COP1: variants seen among roughly 807,000 people sequenced by gnomAD.
COP1 encodes COP1 E3 ubiquitin ligase.
COP1 carries 24 observed loss-of-function variants against 101.3 expected under a neutral mutation model. The observed-to-expected ratio is 0.24, with a 90% CI of 0.17 to 0.33. The LOEUF (loss-of-function observed/expected upper bound fraction) is 0.33. Ranked by LOEUF, COP1 falls within the 10% of genes least tolerant of loss-of-function variation. The pLI, the probability that COP1 is intolerant of heterozygous loss-of-function variation, is 1.00. For synonymous variants in COP1, 347 were observed against 341.9 expected, an observed-to-expected ratio of 1.01 and a Z score of -0.17; for missense variants, 663 against 906.2, an observed-to-expected ratio of 0.73 and a Z score of 3.45.
chr1:176,206,960 C>A lies in COP1; in HGVS notation c.19G>T (p.Ala7Ser). ...CTTGTCCCAGCGGAGCCCGACCCGG[C>A]CTGGCGGCTACCAGACATCGTGACT... is the stretch of plus-strand genomic sequence containing the variant. MSGSRQ[A>S]GSGSAGTSPG... Residue 7 changes from alanine (A) to serine (S), a missense_variant, in exon 1 of 20, where the codon GCC becomes TCC. Physicochemically the swap from Ala to Ser is moderately conservative, Grantham distance 99. This residue lies in a region of COP1 where 204 missense variants were observed against 203.6 expected (regional missense o/e 1.00). Coordinates refer to ENST00000367669, the MANE Select transcript of COP1 (RefSeq NM_022457.7). 1 of 1,428,004 alleles carries A rather than the reference C, an allele frequency of 7.0e-7. No homozygotes were observed. Among genetic ancestry groups the A allele is most frequent in the Non-Finnish European group, 9.1e-7 (1 of 1,095,308 alleles). The allele number at this position is 1,428,004 out of a possible 1,614,324, so 88.5% of individuals were successfully genotyped here.
chr1:176,105,203 T>C (rs1684102500), intron 9 of COP1, among the ~76,000 whole-genome samples: 1 of 152,110 alleles, frequency 6.6e-6, no homozygotes, highest in Non-Finnish European at 1.5e-5. Context: ...GTAGCCGTTA[T>C]TGATTATAAC....
At position 176,056,379 on chromosome 1, in the gene COP1, A is replaced by G. The variant is rs149874424; in HGVS notation, c.1278-10055T>C. On this transcript the variant is annotated intron_variant, in intron 11 of 19. Coordinates refer to ENST00000367669, the MANE Select transcript of COP1 (RefSeq NM_022457.7). ...TCTGTCATGGACTAAGATCTGATTT[A>G]ATTTAAAGTCTCATACCACTAAATG... Among the ~76,000 whole-genome samples the G allele has an allele frequency of 2.6e-3, 399 of 152,294 alleles. 3 individuals are homozygous for G. The highest frequency in any genetic ancestry group is 9.2e-3 in the African/African-American group (381 of 41,582).
chr1:176,048,344 T>A (rs867616430), intron 11 of COP1, among the ~76,000 whole-genome samples: 8 of 149,734 alleles, frequency 5.3e-5, no homozygotes, highest in Admixed American at 2.7e-4. Flanking sequence ...CCAGCCAATT[T>A]AAAAAAAAAA....
intron 2 of COP1, among the ~76,000 whole-genome samples, chr1:176,176,490 T>C (rs1318662357): frequency 6.6e-6 from 1 of 152,098 alleles, no homozygotes; most frequent in Non-Finnish European, 1.5e-5. Context: ...TGATTTAAAA[T>C]TATATACTAG....
chr1:176,034,354 C>T (rs1455891859), intron 14 of COP1, among the ~76,000 whole-genome samples: 1 of 152,134 alleles, frequency 6.6e-6, no homozygotes, highest in Non-Finnish European at 1.5e-5. Flanking sequence ...GGGTGGGCTT[C>T]AGTCACAGAG....
In COP1 at chr1:176,064,843, C is replaced by T. The variant is rs143269291; in HGVS notation, c.1277+16309G>A. ...TTCACCATGTTGCCCAGACTGGTCTCGAGCTCCTGGGCTCAAGCAATCTGC... is the reference window on the plus strand; with the variant it reads ...TTCACCATGTTGCCCAGACTGGTCTTGAGCTCCTGGGCTCAAGCAATCTGC... On this transcript the variant is annotated intron_variant, in intron 11 of 19. Transcript: ENST00000367669. 1.1e-3 allele frequency among the ~76,000 whole-genome samples: 164 copies of T among 152,156 alleles called. 3 individuals carry two copies. The highest frequency in any genetic ancestry group is 3.7e-3 in the African/African-American group (155 of 41,512).
intron 18 of COP1, among the ~76,000 whole-genome samples, chr1:175,973,111 C>T (rs201885020): frequency 3.3e-5 from 5 of 152,264 alleles, no homozygotes; most frequent in East Asian, 3.9e-4. Flanking sequence ...AGATTACAGG[C>T]GTGAACCACC....
At chr1:176,062,823 T>A (rs1374698299) in intron 11 of COP1, among the ~76,000 whole-genome samples, 2 of 152,090 alleles carry the variant, frequency 1.3e-5, no homozygotes, top group African/African-American at 4.8e-5. Context: ...AATAAGTAAA[T>A]AAATTACTAA....
intron 11 of COP1, among the ~76,000 whole-genome samples, chr1:176,075,169 T>C (rs1007727428): frequency 1.3e-5 from 2 of 152,172 alleles, no homozygotes; most frequent in African/African-American, 4.8e-5. Context: ...AATTATGTAA[T>C]AAAATGCACC....
chr1:176,016,157 T>A (rs956304486), intron 15 of COP1, among the ~76,000 whole-genome samples: 2 of 152,164 alleles, frequency 1.3e-5, no homozygotes, highest in Non-Finnish European at 2.9e-5. Context: ...GAGTTTTTTT[T>A]AGCTAAGAGT....
intron 7 of COP1, among the ~76,000 whole-genome samples, chr1:176,136,014 C>T (rs1689728568): frequency 6.6e-6 from 1 of 151,782 alleles, no homozygotes; most frequent in African/African-American, 2.4e-5. Context: ...ATCATAATAC[C>T]CTATAAGACT....
At position 176,053,755 on chromosome 1, in the gene COP1, T is replaced by C. The variant is rs988229760; in HGVS notation, c.1278-7431A>G. On this transcript the variant is annotated intron_variant, in intron 11 of 19. Coordinates refer to ENST00000367669, the MANE Select transcript of COP1 (RefSeq NM_022457.7). Reference sequence around the variant, plus strand: ...AAAAATCTATGGAACCTACACCCACTGCTCCTCACTCTGTTATGTATTTAC... The same window carrying C: ...AAAAATCTATGGAACCTACACCCACCGCTCCTCACTCTGTTATGTATTTAC... Among the ~76,000 whole-genome samples the C allele has an allele frequency of 4.6e-5, 7 of 152,324 alleles. No individual in the cohort carries two copies. In the South Asian group the frequency reaches 1.4e-3, roughly 32 times the overall value.
intron 10 of COP1, among the ~76,000 whole-genome samples, chr1:176,081,829 T>C (rs1388508692): frequency 6.6e-6 from 1 of 152,146 alleles, no homozygotes; most frequent in Non-Finnish European, 1.5e-5. Flanking sequence ...TGCAATGTTA[T>C]GAACTATTAA....
intron 2 of COP1, among the ~76,000 whole-genome samples, chr1:176,184,297 A>G (rs773896741): frequency 2.6e-5 from 4 of 152,142 alleles, no homozygotes; most frequent in Admixed American, 6.5e-5. Flanking sequence ...TCTCCAACCT[A>G]TCCCCACAAG....
chr1:176,151,333 AAGAAGGAAGGAAAGAAAGAAAAAG>A lies in COP1; in HGVS notation c.763-2283_763-2260del, dbSNP rs202039310. Among the ~76,000 whole-genome samples the A allele has an allele frequency of 3.4e-3, 494 of 145,242 alleles. 1 individual carries two copies. The highest frequency in any genetic ancestry group is 0.012 in the South Asian group (50 of 4,276). On this transcript the variant is annotated intron_variant, in intron 5 of 19. Coordinates refer to ENST00000367669, the MANE Select transcript of COP1 (RefSeq NM_022457.7). ...AGAGAAAGAAAGAAGGAAAGAAAGA[AAGAAGGAAGGAAAGAAAGAAAAAG>A]AAAGAAAGAAAGAAAGAAAGAAAGA...
At chr1:176,041,080 T>A (rs996514158) in intron 14 of COP1, among the ~76,000 whole-genome samples, 2 of 152,166 alleles carry the variant, frequency 1.3e-5, no homozygotes, top group Non-Finnish European at 2.9e-5. Flanking sequence ...GAATTTTGCC[T>A]TGATATATGA....
intron 8 of COP1, among the ~76,000 whole-genome samples, chr1:176,118,764 AC>A (rs1261421456): frequency 2.0e-5 from 3 of 152,190 alleles, no homozygotes; most frequent in Non-Finnish European, 4.4e-5. Context: ...AAACAAACAA[AC>A]AAACAAAAAA....
intron 3 of COP1, 100 bp from the exon 4 acceptor site, chr1:176,163,991 T>C (rs1316773013): frequency 1.6e-6 from 1 of 637,322 alleles, no homozygotes; most frequent in East Asian, 2.9e-5. Flanking sequence ...TACCTATACA[T>C]AGCCTCCAAA....
chr1:176,074,787 G>T (rs1463918715), intron 11 of COP1, among the ~76,000 whole-genome samples: 1 of 130,830 alleles, frequency 7.6e-6, no homozygotes, highest in East Asian at 2.2e-4. Flanking sequence ...TGGCTTTCAG[G>T]AATGAAAAAA....
Sources: allele counts gnomAD v4.1 joint callset (sites outside exome capture counted in the v4.1 genomes callset), GRCh38; gene constraint gnomAD v4.1.1; regional missense constraint gnomAD v4.1.1; transcripts MANE v1.5; gene names NCBI Gene and HGNC (gene_info 2026-07-23, HGNC 2026-07-21).